The following TRRAP variants were observed in gnomAD, a reference collection of about 807,000 sequenced individuals.
TRRAP encodes transformation/transcription domain-associated protein.
In TRRAP, 41 loss-of-function variants were observed where a neutral mutation model predicts 438.8. The ratio of observed to expected loss-of-function variants is 0.09; its 90% CI spans 0.07 to 0.12. The LOEUF (loss-of-function observed/expected upper bound fraction) is 0.12, where lower values mean the gene tolerates loss of function less well. Among genes scored for constraint, TRRAP ranks in the 10% least tolerant of loss-of-function variants. TRRAP has a pLI of 1.00. For missense variants in TRRAP, 3,122 were observed against 5,055.1 expected (o/e 0.62, Z 11.60); for synonymous variants, 1,994 against 1,962.9 (o/e 1.02, Z -0.42).
intron 46 of TRRAP, 55 bp from the exon 47 acceptor site, chr7:98,962,247 C>T (rs999401623): frequency 6.2e-7 from 1 of 1,612,022 alleles, no homozygotes; most frequent in African/African-American, 1.3e-5. Context: ...CTGGCATCAG[C>T]ACTGGTGGGC....
At chr7:98,951,937 G>A (rs1791354750) in intron 39 of TRRAP, among the ~76,000 whole-genome samples, 1 of 152,120 alleles carries the variant, frequency 6.6e-6, no homozygotes, top group African/African-American at 2.4e-5. Flanking sequence ...GTGTCTCCTG[G>A]GTCAGATGCT....
At position 98,965,739 on chromosome 7, in the gene TRRAP, G is replaced by A; in HGVS notation, c.7020G>A (p.Thr2340=). The change falls in exon 49 of 73, where the codon ACG becomes ACA. Residue 2340 remains threonine, a synonymous_variant. Transcript: ENST00000456197. ...LVMLSLELVK[T]RLAVMSMEMR... ...TGCTGAGTCTGGAGCTGGTGAAGAC[G>A]CGCCTGGCAGTGATGAGCATGGAGA... 3 of 1,614,062 alleles carry A rather than the reference G, an allele frequency of 1.9e-6. No homozygotes were observed. The highest frequency in any genetic ancestry group is 2.2e-5 in the South Asian group (2 of 91,062).
intron 47 of TRRAP, 136 bp from the exon 48 acceptor site, chr7:98,964,493 T>TAA: frequency 1.0e-6 from 1 of 967,310 alleles, no homozygotes; most frequent in South Asian, 1.7e-5. Context: ...GTGAGCCATG[T>TAA]AAAAGCTCAC....
At chr7:98,903,050 G>A (rs370356558) in intron 11 of TRRAP, among the ~76,000 whole-genome samples, 2 of 1,990 alleles carry the variant, frequency 1.0e-3, no homozygotes, top group Non-Finnish European at 4.4e-3. Flanking sequence ...TTTTGGAGAC[G>A]AGTCTCACTC....
At position 98,948,104 on chromosome 7, in the gene TRRAP, G is replaced by T; in HGVS notation, c.4549-117G>T. Reference sequence around the variant, plus strand: ...TGTGGCTTTTACATGTGAACCCTTCGCTTCACTGCCTAGCCTTGCCAACAT... The same window carrying T: ...TGTGGCTTTTACATGTGAACCCTTCTCTTCACTGCCTAGCCTTGCCAACAT... On this transcript the variant is annotated intron_variant, in intron 33 of 72. Transcript: ENST00000456197. The surrounding 1 kb of genome is among the most constrained non-coding windows in gnomAD (Gnocchi z 4.9). 6.9e-7 allele frequency: 1 copy of T among 1,457,238 alleles called. No homozygotes were observed. Among genetic ancestry groups the T allele is most frequent in the Non-Finnish European group, 9.4e-7 (1 of 1,067,312 alleles). 90.3% of individuals were successfully genotyped at this position (1,457,238 alleles called of 1,614,324 possible).
At chr7:98,951,057 A>ATTGTGTG in intron 39 of TRRAP, 53 bp downstream of exon 39, 2 of 662,226 alleles carry the variant, frequency 3.0e-6, no homozygotes, top group Non-Finnish European at 4.5e-6. Flanking sequence ...GTGGATGAAC[A>ATTGTGTG]TCTGTGTGTG....
At chr7:98,888,031 C>A (rs1795791673) in intron 3 of TRRAP, among the ~76,000 whole-genome samples, 1 of 151,918 alleles carries the variant, frequency 6.6e-6, no homozygotes, top group Non-Finnish European at 1.5e-5. Context: ...GAGATCGAGA[C>A]CATCTTGGCT....
rs1482219819 is a variant in TRRAP at position 98,978,335 on chromosome 7, A to G, written c.8498+12A>G. ...GACCACTGGATTCGGTAAGCCAAAC[A>G]CAGTGCTTGACGTGTGCATGAATCA... On this transcript the variant is annotated intron_variant, in intron 57 of 72. Transcript: ENST00000456197. 6.2e-7 allele frequency: 1 copy of G among 1,601,704 alleles called. No individual in the cohort carries two copies. Among genetic ancestry groups the G allele is most frequent in the Admixed American group, 1.7e-5 (1 of 59,632 alleles).
intron 23 of TRRAP, 92 bp from the exon 24 acceptor site, chr7:98,929,897 T>C (rs1790241952): frequency 1.4e-6 from 2 of 1,401,526 alleles, no homozygotes; most frequent in East Asian, 4.6e-5. Context: ...CCCTGCTTTT[T>C]ATGGAGTTTC....
intron 24 of TRRAP, 118 bp from the exon 25 acceptor site, chr7:98,930,515 T>C: frequency 7.6e-7 from 1 of 1,309,200 alleles, no homozygotes; most frequent in East Asian, 2.3e-5. Flanking sequence ...GAGATGGAGG[T>C]TGCGGTGAGC....
At position 98,981,969 on chromosome 7, in the gene TRRAP, G is replaced by T; in HGVS notation, c.8826+9G>T. 1.3e-6 allele frequency: 2 copies of T among 1,566,996 alleles called. No homozygotes were observed. The highest frequency in any genetic ancestry group is 1.7e-6 in the Non-Finnish European group (2 of 1,158,530). The stretch of plus-strand genomic sequence containing the variant: ...ACACGCCTCTCCTACAGGTGCGTGC[G>T]GTGCCCCCATGCGAGCACAGGCCTG... On this transcript the variant is annotated intron_variant, in intron 59 of 72. Transcript: ENST00000456197.
chr7:98,886,335 TAGATAGATATAGATATCTATATAGATAG>T (rs1414903669), intron 3 of TRRAP, among the ~76,000 whole-genome samples: 17 of 150,300 alleles, frequency 1.1e-4, no homozygotes, highest in African/African-American at 3.8e-4. Flanking sequence ...GAGATAGATA[TAGATAGATATAGATATCTATATAGATAG>T]AGATAGATAT....
At chr7:98,909,070 C>T (rs542384286) in intron 14 of TRRAP, 108 bp downstream of exon 14, 2 of 1,083,178 alleles carry the variant, frequency 1.8e-6, no homozygotes, top group South Asian at 3.4e-5. Flanking sequence ...GTTGCCTAGG[C>T]TGAAGTGCAG....
chr7:98,984,332 G>T lies in TRRAP; in HGVS notation c.9262G>T (p.Val3088Phe). The T allele has an allele frequency of 6.3e-7, 1 of 1,592,084 alleles. No individual in the cohort carries two copies. Among genetic ancestry groups the T allele is most frequent in the Non-Finnish European group, 8.6e-7 (1 of 1,167,906 alleles). Residue 3088 changes from valine (V) to phenylalanine (F), a missense_variant, in exon 61 of 73, where the codon GTC (valine) becomes TTC (phenylalanine). Physicochemically the swap from Val to Phe is conservative, Grantham distance 50. This residue lies in a region of TRRAP where 129 missense variants were observed against 279.2 expected (regional missense o/e 0.46). Transcript: ENST00000456197. ...QVKCYLQLAG[V>F]MGKNECMQGL... Reference sequence around the variant, plus strand: ...TAAATGCTACCTCCAGCTGGCAGGCGTCATGGGCAAAAACGAGTGCATGCA... The same window carrying T: ...TAAATGCTACCTCCAGCTGGCAGGCTTCATGGGCAAAAACGAGTGCATGCA...
At chr7:98,983,201 G>A in intron 59 of TRRAP, 63 bp from the exon 60 acceptor site, 2 of 1,442,054 alleles carry the variant, frequency 1.4e-6, no homozygotes, top group Non-Finnish European at 1.9e-6. Flanking sequence ...GGACTCTGGT[G>A]TGTTTTTCCC....
intron 63 of TRRAP, 102 bp from the exon 64 acceptor site, chr7:98,990,353 A>G (rs1188010189): frequency 1.6e-6 from 2 of 1,257,124 alleles, no homozygotes; most frequent in African/African-American, 3.0e-5. Context: ...TTACATGGCC[A>G]GTAAAGCCGC....
rs1554409702 is a variant in TRRAP, at chr7:98,917,553, G to A, written c.2496G>A (p.Val832=). The A allele has an allele frequency of 8.1e-6, 13 of 1,614,206 alleles. No individual in the cohort carries two copies. The highest frequency in any genetic ancestry group is 1.0e-5 in the Non-Finnish European group (12 of 1,180,046). The change falls in exon 20 of 73, where the codon GTG becomes GTA. Residue 832 remains valine, a synonymous_variant. Transcript: ENST00000456197. ...PYLPMLMDPL[V]SALNGSQTLV... ...TGCCCATGCTTATGGATCCCTTGGTGTCTGCACTCAATGGGTCTCAGACAT... is the reference window on the plus strand; with the variant it reads ...TGCCCATGCTTATGGATCCCTTGGTATCTGCACTCAATGGGTCTCAGACAT...
chr7:98,911,021 A>T, intron 16 of TRRAP, 56 bp from the exon 17 acceptor site: 1 of 1,497,228 alleles, frequency 6.7e-7, no homozygotes, highest in Non-Finnish European at 9.1e-7. Context: ...ATAATGGAAC[A>T]TATTCAGAGA....
chr7:98,992,560 C>CGTGTGTGTGTGT (rs72517544), intron 65 of TRRAP, among the ~76,000 whole-genome samples: 30 of 149,220 alleles, frequency 2.0e-4, no homozygotes, highest in African/African-American at 7.4e-4. Context: ...TGCCAGCTGC[C>CGTGTGTGTGTGT]GTGTGTGTGT....
Sources: allele counts gnomAD v4.1 joint callset (sites outside exome capture counted in the v4.1 genomes callset), GRCh38; gene constraint gnomAD v4.1.1; regional missense constraint gnomAD v4.1.1; non-coding constraint Gnocchi (gnomAD v3.1); transcripts MANE v1.5; gene names NCBI Gene and HGNC (gene_info 2026-07-23, HGNC 2026-07-21).